Variants in ECPAS observed in about 807,000 individuals in gnomAD.
ECPAS encodes the protein proteasome adapter and scaffold protein ECM29.
In ECPAS, 70 loss-of-function variants were observed where a neutral mutation model predicts 255.1. The ratio of observed to expected loss-of-function variants is 0.27; its 90% confidence interval spans 0.23 to 0.33. The LOEUF (loss-of-function observed/expected upper bound fraction) is 0.33. Among genes scored for constraint, ECPAS ranks in the 10% least tolerant of loss-of-function variants. The pLI is 1.00. For synonymous variants in ECPAS, 784 were observed against 775.0 expected (o/e 1.01, Z -0.19); for missense variants, 1,817 against 2,206.4 (o/e 0.82, Z 3.54).
Position 111,373,161 on chromosome 9 carries a change from G to T in ECPAS, c.4336+9C>A. On this transcript the variant is annotated intron_variant, in intron 41 of 49. Transcript: ENST00000684092. ...TTTAAAATGACATAAAATAGAAAAA[G>T]AAAGGTACCTTCTTTCTCCATATAC... 1 of 1,608,332 alleles carries T rather than the reference G, an allele frequency of 6.2e-7. No homozygotes were observed. The highest frequency in any genetic ancestry group is 1.1e-5 in the South Asian group (1 of 90,962).
At chr9:111,450,777 C>T (rs569352162) in intron 3 of ECPAS, among the ~76,000 whole-genome samples, 158 of 152,170 alleles carry the variant, frequency 1.0e-3, no homozygotes, top group African/African-American at 3.7e-3. Flanking sequence ...AAAATTTAAA[C>T]ATTAGCCAGG....
intron 5 of ECPAS, among the ~76,000 whole-genome samples, chr9:111,441,731 G>T (rs1015935041): frequency 6.6e-6 from 1 of 152,176 alleles, no homozygotes; most frequent in East Asian, 1.9e-4. Flanking sequence ...CTGTATTACA[G>T]TATTTTTTAA....
chr9:111,477,445 T>C (rs1290904216), intron 1 of ECPAS, among the ~76,000 whole-genome samples: 1 of 152,068 alleles, frequency 6.6e-6, no homozygotes. Context: ...CAGAAGGTTC[T>C]TTCTGGATAC....
chr9:111,413,825 G>T, intron 20 of ECPAS, 70 bp downstream of exon 20: 3 of 995,422 alleles, frequency 3.0e-6, no homozygotes, highest in Non-Finnish European at 2.9e-6. Context: ...CCCGCTGGCA[G>T]GAAAAAGAAA....
chr9:111,399,740 G>A (rs775685551), intron 24 of ECPAS, among the ~76,000 whole-genome samples: 12 of 152,214 alleles, frequency 7.9e-5, no homozygotes, highest in South Asian at 2.1e-4. Context: ...GGCAGAGTCC[G>A]AAAGCCCCAC....
intron 48 of ECPAS, among the ~76,000 whole-genome samples, chr9:111,364,043 T>C (rs1389208550): frequency 1.3e-5 from 2 of 152,178 alleles, no homozygotes; most frequent in East Asian, 3.9e-4. Flanking sequence ...GAACATTATA[T>C]GACCCAGTGT....
At chr9:111,483,064 C>G (rs1336624483) in intron 1 of ECPAS, among the ~76,000 whole-genome samples, 1 of 152,228 alleles carries the variant, frequency 6.6e-6, no homozygotes, top group African/African-American at 2.4e-5. Context: ...CACAAAAAGG[C>G]ACCTTCTCCC....
chr9:111,437,339 A>T (rs2098239642), intron 6 of ECPAS, among the ~76,000 whole-genome samples: 1 of 152,216 alleles, frequency 6.6e-6, no homozygotes, highest in Non-Finnish European at 1.5e-5. Flanking sequence ...ATGAACTACA[A>T]CCATTACCAA....
intron 24 of ECPAS, among the ~76,000 whole-genome samples, chr9:111,400,362 C>T (rs2098173926): frequency 6.6e-6 from 1 of 152,148 alleles, no homozygotes; most frequent in Admixed American, 6.5e-5. Flanking sequence ...CAAACACTGA[C>T]GAATGTTCAC....
Position 111,370,486 on chromosome 9 carries a change from T to C in ECPAS, c.4923A>G (p.Lys1641=), listed in dbSNP as rs371124148. 5.6e-6 allele frequency: 9 copies of C among 1,611,084 alleles called. No individual in the cohort carries two copies. The African/African-American group carries it at 9.3e-5, about 17-fold the overall frequency. ...TAGAGAACTCCTGGAATCTGTCCTC[T>C]TTGGTGGCCTTCAAGATATCAGCTG... The part of the protein sequence containing the change: ...SCAADILKAT[K]EDRFQEFSNI... The change falls in exon 45 of 50, where the codon AAA becomes AAG. Residue 1641 remains lysine, a synonymous_variant. Coordinates refer to ENST00000684092, the MANE Select transcript of ECPAS (RefSeq NM_001364929.1).
chr9:111,390,598 A>T (rs971233544), intron 29 of ECPAS, among the ~76,000 whole-genome samples: 1 of 152,218 alleles, frequency 6.6e-6, no homozygotes. Flanking sequence ...ACTTAGAAGG[A>T]GTCTACAAGG....
intron 2 of ECPAS, among the ~76,000 whole-genome samples, chr9:111,454,238 G>C (rs1237879706): frequency 8.1e-6 from 1 of 123,590 alleles, no homozygotes; most frequent in African/African-American, 3.1e-5. Context: ...GACAAAGGCA[G>C]AAAATTAAAC....
intron 49 of ECPAS, among the ~76,000 whole-genome samples, chr9:111,363,301 G>A (rs1387007046): frequency 6.6e-6 from 1 of 151,960 alleles, no homozygotes; most frequent in Non-Finnish European, 1.5e-5. Flanking sequence ...ACCAATTCCT[G>A]TAATTAACCA....
chr9:111,470,470 C>T (rs1474746711), intron 2 of ECPAS, among the ~76,000 whole-genome samples: 1 of 152,118 alleles, frequency 6.6e-6, no homozygotes, highest in African/African-American at 2.4e-5. Context: ...GCCACGACAC[C>T]CAGCTAACTT....
intron 24 of ECPAS, among the ~76,000 whole-genome samples, chr9:111,407,427 A>AAAAAG (rs2098186374): frequency 6.9e-6 from 1 of 144,836 alleles, no homozygotes; most frequent in Non-Finnish European, 1.5e-5. Flanking sequence ...AAAAAAAAAA[A>AAAAAG]AAAAAAAAAA....
chr9:111,452,532 C>A (rs1458753583), intron 2 of ECPAS, among the ~76,000 whole-genome samples: 2 of 152,068 alleles, frequency 1.3e-5, no homozygotes, highest in Non-Finnish European at 2.9e-5. Flanking sequence ...TGAGGAGACA[C>A]TGGGGAGGGG....
intron 2 of ECPAS, among the ~76,000 whole-genome samples, chr9:111,462,071 A>G (rs2098273850): frequency 6.6e-6 from 1 of 152,198 alleles, no homozygotes. Flanking sequence ...GAGCCAAACC[A>G]TATCATCAAA....
chr9:111,388,117 C>A (rs532568295), intron 31 of ECPAS, among the ~76,000 whole-genome samples: 2 of 152,022 alleles, frequency 1.3e-5, no homozygotes, highest in Non-Finnish European at 2.9e-5. Flanking sequence ...CAAAAATTTA[C>A]GGCTTTTCCA....
In ECPAS at chr9:111,383,217, G is replaced by T; in HGVS notation, c.3797C>A (p.Ala1266Asp). The T allele has an allele frequency of 6.2e-7, 1 of 1,613,712 alleles. No homozygotes were observed. Among genetic ancestry groups the T allele is most frequent in the Non-Finnish European group, 8.5e-7 (1 of 1,179,764 alleles). Residue 1266 changes from alanine to aspartate, a missense_variant, in exon 35 of 50, where the codon GCC becomes GAC. Coordinates refer to ENST00000684092, the MANE Select transcript of ECPAS (RefSeq NM_001364929.1). ...GMMSTVTEVR[A>D]LSINTLVKIS... ...TTCATCAACGGATGCACACCTGAGG[G>T]CTCGAACTTCCGTCACGGTGCTCAT...
Sources: allele counts gnomAD v4.1 joint callset (sites outside exome capture counted in the v4.1 genomes callset), GRCh38; gene constraint gnomAD v4.1.1; transcripts MANE v1.5; gene names NCBI Gene and HGNC (gene_info 2026-07-23, HGNC 2026-07-21).